The following DDR2 variants were observed in gnomAD, a reference collection of about 807,000 sequenced individuals.
DDR2 encodes discoidin domain receptor tyrosine kinase 2.
Under a neutral mutation model 94.9 loss-of-function variants are expected in DDR2, and 27 were observed. The observed-to-expected ratio is 0.28, with a 90% confidence interval of 0.21 to 0.39. DDR2 has a LOEUF of 0.39. Among genes scored for constraint, DDR2 ranks in the 10% least tolerant of loss-of-function variants. The probability of loss-of-function intolerance (pLI) is 1.00; values close to 1 mark genes in which losing one functional copy is unlikely to be tolerated. For missense variants in DDR2, 783 were observed against 1,076.0 expected (o/e 0.73, Z 3.81); for synonymous variants, 382 against 377.2 (o/e 1.01, Z -0.15).
At chr1:162,765,940 C>T in intron 9 of DDR2, 61 bp from the exon 10 acceptor site, 1 of 1,527,732 alleles carries the variant, frequency 6.5e-7, no homozygotes, top group South Asian at 1.1e-5. Context: ...AATATGCCTT[C>T]AGAGAAAACA....
intron 2 of DDR2, among the ~76,000 whole-genome samples, chr1:162,703,145 C>T (rs1284138005): frequency 1.3e-5 from 2 of 152,090 alleles, no homozygotes; most frequent in African/African-American, 4.8e-5. Context: ...GCAGTTTGTT[C>T]AGAAGTATAT....
intron 3 of DDR2, among the ~76,000 whole-genome samples, chr1:162,748,798 A>G (rs939820356): frequency 6.6e-6 from 1 of 152,228 alleles, no homozygotes; most frequent in Non-Finnish European, 1.5e-5. Flanking sequence ...AAACTATAAC[A>G]AACTCTGTCT....
chr1:162,719,434 T>C (rs887748464), intron 3 of DDR2, among the ~76,000 whole-genome samples: 8 of 152,196 alleles, frequency 5.3e-5, no homozygotes, highest in African/African-American at 1.9e-4. Flanking sequence ...ACCATTTGCT[T>C]CTGCATCTTC....
intron 11 of DDR2, among the ~76,000 whole-genome samples, chr1:162,767,947 T>C (rs1664083654): frequency 2.0e-5 from 3 of 152,224 alleles, no homozygotes; most frequent in Admixed American, 1.3e-4. Context: ...CTTCAGACTC[T>C]GTCTATGCCA....
At chr1:162,696,677 C>T (rs143487715) in intron 2 of DDR2, among the ~76,000 whole-genome samples, 1 of 152,094 alleles carries the variant, frequency 6.6e-6, no homozygotes. Context: ...GACAGCTACA[C>T]CCTCCTGGCT....
At position 162,664,384 on chromosome 1, in the gene DDR2, A is replaced by T. The variant is rs1421509972; in HGVS notation, c.-28+9010A>T. 2.0e-5 allele frequency among the ~76,000 whole-genome samples: 3 copies of T among 152,144 alleles called. No homozygotes were observed. The East Asian group carries it at 5.8e-4, about 29-fold the overall frequency. ...TATTTGACTTAGGAACTTTAGTTTT[A>T]TGAATGTACTCTAAGGAATACCCTG... On this transcript the variant is annotated intron_variant, in intron 2 of 17. Transcript: ENST00000367921.
At chr1:162,728,697 T>C (rs948713175) in intron 3 of DDR2, among the ~76,000 whole-genome samples, 1 of 152,176 alleles carries the variant, frequency 6.6e-6, no homozygotes, top group African/African-American at 2.4e-5. Flanking sequence ...TAATCCTCCC[T>C]GGGCTCTCTG....
At chr1:162,689,578 T>A (rs1400571273) in intron 2 of DDR2, among the ~76,000 whole-genome samples, 1 of 152,080 alleles carries the variant, frequency 6.6e-6, no homozygotes, top group Admixed American at 6.5e-5. Flanking sequence ...TCACTTATTT[T>A]TTTTTTTTGT....
At chr1:162,682,895 CA>C (rs1429602981) in intron 2 of DDR2, among the ~76,000 whole-genome samples, 1 of 151,958 alleles carries the variant, frequency 6.6e-6, no homozygotes, top group East Asian at 1.9e-4. Flanking sequence ...ATGATATAGC[CA>C]TGTTCAAAGA....
intron 3 of DDR2, among the ~76,000 whole-genome samples, chr1:162,729,300 AT>A (rs869269032): frequency 0.027 from 2,486 of 93,746 alleles, 82 homozygotes; most frequent in African/African-American, 0.099. Flanking sequence ...ATATATATAT[AT>A]TTTTTTTTTT....
chr1:162,756,860 C>A (rs16844698), intron 7 of DDR2, among the ~76,000 whole-genome samples: 5,550 of 152,252 alleles, frequency 0.036, 322 homozygotes, highest in African/African-American at 0.13. Flanking sequence ...GGCATGTATT[C>A]AAGGCACAGA....
At position 162,775,800 on chromosome 1, in the gene DDR2, C is replaced by T. The variant is rs780994847; in HGVS notation, c.2005C>T (p.His669Tyr). Residue 669 changes from histidine to tyrosine, a missense_variant, in exon 15 of 18, where the codon CAC (histidine) becomes TAC (tyrosine). This residue lies in a region of DDR2 where 264 missense variants were observed against 428.2 expected (regional missense o/e 0.62). Coordinates refer to ENST00000367921, the MANE Select transcript of DDR2 (RefSeq NM_006182.4). ...NGDLNQFLSR[H>Y]EPPNSSSSDV... Reference sequence around the variant, plus strand: ...AGATCTCAATCAGTTTCTTTCCCGCCACGAGCCCCCTAATTCTTCCTCCAG... The same window carrying T: ...AGATCTCAATCAGTTTCTTTCCCGCTACGAGCCCCCTAATTCTTCCTCCAG... The T allele has an allele frequency of 1.9e-5, 30 of 1,614,054 alleles. No individual in the cohort carries two copies. The South Asian group carries it at 3.2e-4, about 17-fold the overall frequency.
chr1:162,759,615 T>C (rs548650204), intron 7 of DDR2, among the ~76,000 whole-genome samples, 181 bp from the exon 8 acceptor site: 2 of 152,330 alleles, frequency 1.3e-5, no homozygotes, highest in East Asian at 3.9e-4. Flanking sequence ...TAGTTCTCCA[T>C]TGATGCAAGA....
intron 2 of DDR2, among the ~76,000 whole-genome samples, chr1:162,689,492 C>T (rs1004828003): frequency 5.3e-5 from 8 of 152,014 alleles, no homozygotes; most frequent in African/African-American, 1.2e-4. Flanking sequence ...GCTATCTCAC[C>T]GGTCCCCTGT....
At chr1:162,680,469 C>T (rs1299754917) in intron 2 of DDR2, among the ~76,000 whole-genome samples, 1 of 152,184 alleles carries the variant, frequency 6.6e-6, no homozygotes, top group Non-Finnish European at 1.5e-5. Flanking sequence ...TTTCTGGGCT[C>T]TCTATTCAAT....
intron 3 of DDR2, among the ~76,000 whole-genome samples, chr1:162,737,199 G>A (rs1662347736): frequency 1.4e-5 from 2 of 141,926 alleles, no homozygotes; most frequent in Non-Finnish European, 3.0e-5. Flanking sequence ...GGGTACATGT[G>A]CACATTGTGC....
rs114397559 is a variant in DDR2 at position 162,650,184 on chromosome 1, C to T, written c.-191-5027C>T. ...TAAGACCAACCCTTCTCTTGAATGC[C>T]AAAATCAAGATGTGTCTACCTGTTT... On this transcript the variant is annotated intron_variant, in intron 1 of 17. Transcript: ENST00000367921. Among the ~76,000 whole-genome samples, 544 of 152,230 alleles carry T rather than the reference C, an allele frequency of 3.6e-3. 1 individual carries two copies. The highest frequency in any genetic ancestry group is 0.013 in the African/African-American group (520 of 41,548).
At chr1:162,748,953 C>T (rs1663032471) in intron 3 of DDR2, among the ~76,000 whole-genome samples, 1 of 152,162 alleles carries the variant, frequency 6.6e-6, no homozygotes, top group Admixed American at 6.5e-5. Flanking sequence ...TTCTTTGAAA[C>T]CAATGAGAAC....
At chr1:162,777,875 A>G (rs537575303) in intron 16 of DDR2, 3 of 154,152 alleles carry the variant, frequency 1.9e-5, no homozygotes, top group African/African-American at 4.8e-5. Flanking sequence ...GCAGTGGACC[A>G]CCAGGTTGCC....
Sources: allele counts gnomAD v4.1 joint callset (sites outside exome capture counted in the v4.1 genomes callset), GRCh38; gene constraint gnomAD v4.1.1; regional missense constraint gnomAD v4.1.1; transcripts MANE v1.5; gene names NCBI Gene and HGNC (gene_info 2026-07-23, HGNC 2026-07-21).